The following SAMD5 variants were observed in gnomAD, a reference collection of about 807,000 sequenced individuals.
SAMD5 encodes sterile alpha motif domain containing 5.
SAMD5 carries 13 observed loss-of-function variants against 11.3 expected under a neutral mutation model. The observed-to-expected ratio is 1.15, with a 90% CI of 0.75 to 1.83. The LOEUF (loss-of-function observed/expected upper bound fraction) is 1.83, where lower values mean the gene tolerates loss of function less well. Among genes scored for constraint, SAMD5 ranks in the 40% most tolerant of loss-of-function variants. The probability of loss-of-function intolerance (pLI) is 0.00; values close to 1 mark genes in which losing one functional copy is unlikely to be tolerated. For missense variants in SAMD5, 255 were observed against 239.1 expected, an observed-to-expected ratio of 1.07 and a Z score of -0.44; for synonymous variants, 129 against 111.3, an observed-to-expected ratio of 1.16 and a Z score of -1.00.
chr6:147,815,106 T>C, the SAMD5 span, among the ~76,000 whole-genome samples: 2 of 151,900 alleles, frequency 1.3e-5, no homozygotes, highest in Admixed American at 6.6e-5. Context: ...GGTTTGGGAG[T>C]TCCTAGATCC....
chr6:147,834,270 T>C, the SAMD5 span, among the ~76,000 whole-genome samples: 2 of 136,746 alleles, frequency 1.5e-5, no homozygotes, highest in Non-Finnish European at 3.1e-5. Flanking sequence ...AAGCCTCCTT[T>C]ATTTCTCTGT....
At chr6:147,952,748 A>G in the SAMD5 span, among the ~76,000 whole-genome samples, 5 of 152,156 alleles carry the variant, frequency 3.3e-5, no homozygotes, top group Non-Finnish European at 7.4e-5. Context: ...CCTGACTTTC[A>G]AGTGATCCTC....
intron 1 of SAMD5, among the ~76,000 whole-genome samples, chr6:147,535,510 A>G (rs1039899161): frequency 5.3e-4 from 81 of 152,288 alleles, no homozygotes; most frequent in African/African-American, 1.9e-3. Flanking sequence ...TTTTCTTTTG[A>G]AGCATAATTT....
intron 1 of SAMD5, among the ~76,000 whole-genome samples, chr6:147,622,851 A>G (rs1789990839): frequency 6.6e-6 from 1 of 152,230 alleles, no homozygotes; most frequent in African/African-American, 2.4e-5. Flanking sequence ...CCTCACAATC[A>G]TGGCGGAAGG....
chr6:147,643,597 A>G (rs559964637), intron 1 of SAMD5, among the ~76,000 whole-genome samples: 1 of 152,292 alleles, frequency 6.6e-6, no homozygotes, highest in East Asian at 1.9e-4. Flanking sequence ...CTTATTTACC[A>G]ATCAGAAGTT....
At chr6:147,598,102 T>C (rs1368350128) in intron 1 of SAMD5, among the ~76,000 whole-genome samples, 1 of 152,072 alleles carries the variant, frequency 6.6e-6, no homozygotes. Context: ...CTTTTCTTTT[T>C]TTTTTTTCTT....
the SAMD5 span, among the ~76,000 whole-genome samples, chr6:147,939,869 G>A: frequency 6.6e-6 from 1 of 151,528 alleles, no homozygotes; most frequent in East Asian, 1.9e-4. Flanking sequence ...TATTATTACC[G>A]AAAGTATCTG....
chr6:147,850,759 A>G, the SAMD5 span, among the ~76,000 whole-genome samples: 2 of 152,062 alleles, frequency 1.3e-5, no homozygotes, highest in South Asian at 4.1e-4. Flanking sequence ...ATAGGAATCC[A>G]GGAATCCTTC....
chr6:147,874,445 G>A, the SAMD5 span, among the ~76,000 whole-genome samples: 1 of 151,946 alleles, frequency 6.6e-6, no homozygotes, highest in African/African-American at 2.4e-5. Flanking sequence ...TTAAATTGAA[G>A]CTTTTGTATG....
the SAMD5 span, among the ~76,000 whole-genome samples, chr6:147,890,213 A>G: frequency 6.6e-6 from 1 of 152,278 alleles, no homozygotes; most frequent in South Asian, 2.1e-4. Flanking sequence ...TAAACAAAAC[A>G]TAAATCATTA....
At chr6:147,727,838 G>C (rs1182227238) in intron 1 of SAMD5, among the ~76,000 whole-genome samples, 1 of 152,098 alleles carries the variant, frequency 6.6e-6, no homozygotes, top group Non-Finnish European at 1.5e-5. Context: ...TTGTCCCAGA[G>C]TAGTCAATGA....
chr6:147,537,358 T>C (rs959575939), intron 1 of SAMD5, among the ~76,000 whole-genome samples: 4 of 152,162 alleles, frequency 2.6e-5, no homozygotes, highest in Non-Finnish European at 5.9e-5. Context: ...GTTTGTTAAA[T>C]ATTAAAGGTT....
At chr6:147,831,218 G>T in the SAMD5 span, among the ~76,000 whole-genome samples, 1 of 152,150 alleles carries the variant, frequency 6.6e-6, no homozygotes, top group Admixed American at 6.5e-5. Context: ...TATTTATTAT[G>T]GAATAAACCT....
At chr6:147,888,385 C>A in the SAMD5 span, among the ~76,000 whole-genome samples, 1 of 152,120 alleles carries the variant, frequency 6.6e-6, no homozygotes, top group Admixed American at 6.6e-5. Context: ...AAAACATTTT[C>A]ACTGAGCCTT....
At chr6:147,603,015 A>G (rs1194890672) in intron 1 of SAMD5, among the ~76,000 whole-genome samples, 1 of 152,186 alleles carries the variant, frequency 6.6e-6, no homozygotes, top group African/African-American at 2.4e-5. Context: ...GAATGGAAAT[A>G]CATTTCCTAA....
chr6:147,625,445 T>C (rs1469112811), intron 1 of SAMD5, among the ~76,000 whole-genome samples: 1 of 152,236 alleles, frequency 6.6e-6, no homozygotes, highest in African/African-American at 2.4e-5. Context: ...CTGAAATTAC[T>C]GAAGTTATTA....
At chr6:147,862,321 C>T in the SAMD5 span, among the ~76,000 whole-genome samples, 1 of 152,156 alleles carries the variant, frequency 6.6e-6, no homozygotes, top group Non-Finnish European at 1.5e-5. Context: ...CCTTACTGGA[C>T]TTCAATACTG....
the SAMD5 span, among the ~76,000 whole-genome samples, chr6:147,753,441 T>A: frequency 6.6e-6 from 1 of 152,196 alleles, no homozygotes; most frequent in Non-Finnish European, 1.5e-5. Flanking sequence ...ACATAGTAGG[T>A]GTACATATTT....
chr6:147,673,082 A>G (rs1472201177), intron 1 of SAMD5, among the ~76,000 whole-genome samples: 2 of 152,194 alleles, frequency 1.3e-5, no homozygotes, highest in East Asian at 3.8e-4. Context: ...AATAGTAATA[A>G]TAATACTGAT....
Sources: allele counts gnomAD v4.1 joint callset (sites outside exome capture counted in the v4.1 genomes callset), GRCh38; gene constraint gnomAD v4.1.1; transcripts MANE v1.5; gene names NCBI Gene and HGNC (gene_info 2026-07-23, HGNC 2026-07-21).